The following KIR2DL3 variants were observed in gnomAD, a reference collection of about 807,000 sequenced individuals.
KIR2DL3 encodes killer cell immunoglobulin-like receptor 2DL3.
KIR2DL3 carries 39 observed loss-of-function variants against 33.8 expected under a neutral mutation model. The observed-to-expected ratio is 1.15, with a 90% CI of 0.89 to 1.51. The LOEUF is 1.51. Ranked by LOEUF, KIR2DL3 falls within the 40% of genes most tolerant of loss-of-function variation. The pLI, the probability that KIR2DL3 is intolerant of heterozygous loss-of-function variation, is 0.00. For missense variants in KIR2DL3, 462 were observed against 426.2 expected (o/e 1.08, Z -0.74); for synonymous variants, 174 against 160.2 (o/e 1.09, Z -0.65).
rs1185648350 is a variant in KIR2DL3, at chr19:54,744,870, TTATATA to T, written c.664+805_664+810del. ...TAAAGTCTAGTGGTCATAAATACATTTATATATATATATATATATATATATATACAC... is the reference window on the plus strand; with the variant it reads ...TAAAGTCTAGTGGTCATAAATACATTTATATATATATATATATATATACAC... On this transcript the variant is annotated intron_variant, in intron 4 of 7. Transcript: ENST00000342376. 5.6e-3 allele frequency among the ~76,000 whole-genome samples: 437 copies of T among 78,206 alleles called. 1 individual carries two copies. Among genetic ancestry groups the T allele is most frequent in the South Asian group, 0.013 (33 of 2,604 alleles). 51.3% of individuals were successfully genotyped at this position (78,206 alleles called of 152,430 possible). A position where few individuals can be genotyped will look rare whatever the true frequency, so the allele number is the denominator to read the frequency against.
chr19:54,739,454 G>C, intron 1 of KIR2DL3, 53 bp from the exon 2 acceptor site: 1 of 1,613,108 alleles, frequency 6.2e-7, no homozygotes, highest in Non-Finnish European at 8.5e-7. Context: ...GGGGCAGCAA[G>C]GGAGGCCTGG....
At chr19:54,749,347 G>A (rs2073082417) in intron 5 of KIR2DL3, among the ~76,000 whole-genome samples, 1 of 144,048 alleles carries the variant, frequency 6.9e-6, no homozygotes, top group South Asian at 2.2e-4. Context: ...AGGAGACCGT[G>A]GAAAAGGCAA....
chr19:54,751,635 TC>T lies in KIR2DL3; in HGVS notation c.716-12del, dbSNP rs1402117207. The T allele has an allele frequency of 6.7e-7, 1 of 1,482,246 alleles. No individual in the cohort carries two copies. Among genetic ancestry groups the T allele is most frequent in the Non-Finnish European group, 9.2e-7 (1 of 1,088,584 alleles). 91.8% of individuals were successfully genotyped at this position (1,482,246 alleles called of 1,614,324 possible). On this transcript the variant is annotated splice_polypyrimidine_tract_variant and intron_variant, in intron 5 of 7. Coordinates refer to ENST00000342376, the MANE Select transcript of KIR2DL3 (RefSeq NM_015868.3). ...CTATGATTAGCTTCTTATTGGTGTC[TC>T]CTCTTCTTCCAGGTAACCCCAGACA...
chr19:54,748,573 T>C (rs930905538), intron 5 of KIR2DL3, among the ~76,000 whole-genome samples: 1 of 148,908 alleles, frequency 6.7e-6, no homozygotes, highest in Admixed American at 6.9e-5. Flanking sequence ...AGTGGATCTA[T>C]AAATGAATGA....
At chr19:54,742,538 G>A (rs1425576191) in intron 3 of KIR2DL3, among the ~76,000 whole-genome samples, 2 of 152,034 alleles carry the variant, frequency 1.3e-5, no homozygotes, top group Non-Finnish European at 2.9e-5. Flanking sequence ...AGACAGACAT[G>A]TCCCAGAGAG....
chr19:54,741,822 G>A (rs1338853637), intron 2 of KIR2DL3, among the ~76,000 whole-genome samples, 158 bp from the exon 3 acceptor site: 1 of 151,922 alleles, frequency 6.6e-6, no homozygotes, highest in African/African-American at 2.4e-5. Flanking sequence ...ACAGATGGAA[G>A]GACCTGCACC....
At chr19:54,743,171 T>G (rs1246855454) in intron 3 of KIR2DL3, among the ~76,000 whole-genome samples, 42 of 151,948 alleles carry the variant, frequency 2.8e-4, no homozygotes, top group Middle Eastern at 6.9e-3. Flanking sequence ...TATAGATAGA[T>G]GATAAATAGG....
At chr19:54,743,456 AATAG>A in intron 3 of KIR2DL3, among the ~76,000 whole-genome samples, 1 of 152,282 alleles carries the variant, frequency 6.6e-6, no homozygotes, top group Non-Finnish European at 1.5e-5. Flanking sequence ...ATCGACAGAT[AATAG>A]ATAGAAATAT....
chr19:54,747,716 A>T (rs1248895879), intron 5 of KIR2DL3, among the ~76,000 whole-genome samples: 2,265 of 152,222 alleles, frequency 0.015, 20 homozygotes, highest in African/African-American at 0.051. Flanking sequence ...GAGGGAAGGG[A>T]AGGGAACATC....
At position 54,742,111 on chromosome 19, in the gene KIR2DL3, G is replaced by A. The variant is rs528413442; in HGVS notation, c.202G>A (p.Asp68Asn). Residue 68 changes from aspartate (D) to asparagine (N), a missense_variant, in exon 3 of 8, where the codon GAC becomes AAC. Transcript: ENST00000342376. ...FLLHREGKFKDTLHLIGEHHD... is the reference protein window; with the variant it reads ...FLLHREGKFKNTLHLIGEHHD... ...TCTGCACAGAGAAGGGAAGTTTAAG[G>A]ACACTTTGCACCTCATTGGAGAGCA... The A allele has an allele frequency of 6.7e-5, 108 of 1,613,584 alleles. No individual in the cohort carries two copies. The East Asian group carries it at 1.4e-3, about 21-fold the overall frequency.
intron 4 of KIR2DL3, among the ~76,000 whole-genome samples, chr19:54,745,581 C>T (rs1301537418): frequency 9.9e-5 from 15 of 150,766 alleles, no homozygotes; most frequent in Non-Finnish European, 1.9e-4. Context: ...CTGGGCTGCT[C>T]TCAAACTCAT....
chr19:54,748,953 G>T (rs1475982632), intron 5 of KIR2DL3, among the ~76,000 whole-genome samples: 24 of 151,540 alleles, frequency 1.6e-4, no homozygotes, highest in African/African-American at 5.9e-4. Context: ...AATAGATAAT[G>T]CTGAGTGTAT....
intron 4 of KIR2DL3, among the ~76,000 whole-genome samples, chr19:54,746,968 C>T (rs566113263): frequency 4.1e-5 from 6 of 145,320 alleles, no homozygotes; most frequent in East Asian, 2.0e-4. Flanking sequence ...GGTGACAGAG[C>T]GAGACTCCAT....
At chr19:54,748,380 T>G (rs1568996694) in intron 5 of KIR2DL3, among the ~76,000 whole-genome samples, 1 of 144,640 alleles carries the variant, frequency 6.9e-6, no homozygotes, top group African/African-American at 2.5e-5. Context: ...ATCTACAATC[T>G]TCATTCCTCC....
intron 2 of KIR2DL3, among the ~76,000 whole-genome samples, chr19:54,740,275 C>G (rs2146990573): frequency 6.6e-6 from 1 of 152,128 alleles, no homozygotes; most frequent in African/African-American, 2.4e-5. Context: ...CCAAGGTGGT[C>G]AGGACAAGCC....
intron 2 of KIR2DL3, among the ~76,000 whole-genome samples, chr19:54,740,932 G>A (rs1187537803): frequency 6.6e-6 from 1 of 151,484 alleles, no homozygotes; most frequent in Non-Finnish European, 1.5e-5. Flanking sequence ...GTGGAGGAAG[G>A]CCAAGATCCA....
intron 4 of KIR2DL3, among the ~76,000 whole-genome samples, chr19:54,744,963 T>A (rs1441305167): frequency 2.4e-3 from 166 of 69,204 alleles, no homozygotes; most frequent in Middle Eastern, 9.6e-3. Context: ...TATTTTTTTT[T>A]TTTTTTTTTT....
intron 2 of KIR2DL3, among the ~76,000 whole-genome samples, chr19:54,740,615 G>A (rs2070867060): frequency 6.6e-6 from 1 of 151,554 alleles, no homozygotes; most frequent in South Asian, 2.1e-4. Flanking sequence ...CTTCTGTTGG[G>A]CATGTCCTTG....
Position 54,750,286 on chromosome 19 carries a change from A to C in KIR2DL3, c.716-1363A>C, listed in dbSNP as rs2073209966. 1.5e-5 allele frequency among the ~76,000 whole-genome samples: 2 copies of C among 136,634 alleles called. 1 individual carries two copies. Among genetic ancestry groups the C allele is most frequent in the Admixed American group, 1.5e-4 (2 of 13,142 alleles). The allele number at this position is 136,634 out of a possible 152,430, so 89.6% of individuals were successfully genotyped here. ...AGTCCAGATCTTGGAATCAGAGATC[A>C]GTGCCAGCACTAGCTCCTGCTCCCC... On this transcript the variant is annotated intron_variant, in intron 5 of 7. Transcript: ENST00000342376.
Sources: gnomAD v4.1 joint callset for allele counts (sites outside exome capture counted in the v4.1 genomes callset) on GRCh38, gnomAD v4.1.1 for gene constraint, MANE v1.5 for transcripts, NCBI Gene and HGNC (gene_info 2026-07-23, HGNC 2026-07-21) for gene names.